MACROD1: variants seen among roughly 807,000 people sequenced by gnomAD.
MACROD1 encodes the protein mono-ADP ribosylhydrolase 1.
Under a neutral mutation model 41.4 loss-of-function variants are expected in MACROD1, and 31 were observed. The ratio of observed to expected loss-of-function variants is 0.75; its 90% CI spans 0.56 to 1.01. The LOEUF (loss-of-function observed/expected upper bound fraction) is 1.01, where lower values mean the gene tolerates loss of function less well. Ranked by LOEUF, MACROD1 falls within the 50% of genes least tolerant of loss-of-function variation. The pLI, the probability that MACROD1 is intolerant of heterozygous loss-of-function variation, is 0.00. For missense variants in MACROD1, 473 were observed against 460.0 expected (o/e 1.03, Z -0.26); for synonymous variants, 252 against 203.4 (o/e 1.24, Z -2.03).
rs901417109 is a variant in MACROD1, at chr11:64,090,759, G to A, written c.517+60480C>T. Among the ~76,000 whole-genome samples, 1 of 152,134 alleles carries A rather than the reference G, an allele frequency of 6.6e-6. No homozygotes were observed. Among genetic ancestry groups the A allele is most frequent in the African/African-American group, 2.4e-5 (1 of 41,438 alleles). ...CACCACATCCCAAGACTAAAAGGGGGGCGGGGTGGCGGCGTCTCTCCACCA... is the reference window on the plus strand; with the variant it reads ...CACCACATCCCAAGACTAAAAGGGGAGCGGGGTGGCGGCGTCTCTCCACCA... On this transcript the variant is annotated intron_variant, in intron 3 of 10. Coordinates refer to ENST00000255681, the MANE Select transcript of MACROD1 (RefSeq NM_014067.4). This position sits in a 1 kb window ranked among gnomAD's most constrained non-coding sequence, Gnocchi z 4.7.
intron 3 of MACROD1, among the ~76,000 whole-genome samples, chr11:64,089,502 C>T (rs893266730): frequency 6.6e-6 from 1 of 152,228 alleles, no homozygotes; most frequent in Non-Finnish European, 1.5e-5. Context: ...CCTGACTCCC[C>T]CAGGGCATTC....
chr11:64,026,888 C>A (rs191520662), intron 3 of MACROD1, among the ~76,000 whole-genome samples: 2 of 152,188 alleles, frequency 1.3e-5, no homozygotes, highest in Admixed American at 1.3e-4. Flanking sequence ...AGGGGCTGCC[C>A]CTGACCACCC....
chr11:64,104,726 G>T (rs1944728788), intron 3 of MACROD1, among the ~76,000 whole-genome samples: 1 of 152,154 alleles, frequency 6.6e-6, no homozygotes, highest in Non-Finnish European at 1.5e-5. Context: ...TTGGCCCTTG[G>T]GCACCATCTG....
At chr11:64,162,718 G>A (rs985216633) in intron 1 of MACROD1, among the ~76,000 whole-genome samples, 2 of 151,940 alleles carry the variant, frequency 1.3e-5, no homozygotes, top group Non-Finnish European at 2.9e-5. Flanking sequence ...GGGAGGCTGA[G>A]GCAGGAGAAT....
At chr11:64,058,611 C>A (rs577590409) in intron 3 of MACROD1, among the ~76,000 whole-genome samples, 1 of 152,244 alleles carries the variant, frequency 6.6e-6, no homozygotes, top group Non-Finnish European at 1.5e-5. Flanking sequence ...GCAGCGGGCA[C>A]GGCCCTGTAA....
chr11:64,114,111 G>C (rs996927510), intron 3 of MACROD1, among the ~76,000 whole-genome samples: 1 of 151,178 alleles, frequency 6.6e-6, no homozygotes, highest in Non-Finnish European at 1.5e-5. Context: ...TGGATGCATG[G>C]ATGGATGCAA....
At chr11:64,086,136 G>A (rs1476910902) in intron 3 of MACROD1, among the ~76,000 whole-genome samples, 1 of 152,180 alleles carries the variant, frequency 6.6e-6, no homozygotes, top group African/African-American at 2.4e-5. Context: ...GTGGGTGGCT[G>A]CGCACACACA....
chr11:64,139,962 A>G (rs10897475), intron 3 of MACROD1, among the ~76,000 whole-genome samples: 1 of 5,036 alleles, frequency 2.0e-4, no homozygotes, highest in Non-Finnish European at 7.4e-4. Context: ...TCTCAAAAAA[A>G]GAAAAAAAAA....
intron 1 of MACROD1, among the ~76,000 whole-genome samples, chr11:64,157,505 A>G (rs1590979288): frequency 6.6e-6 from 1 of 152,182 alleles, no homozygotes; most frequent in East Asian, 1.9e-4. Flanking sequence ...ATGCATTTTC[A>G]TTTTCTTTCA....
intron 1 of MACROD1, among the ~76,000 whole-genome samples, chr11:64,153,897 T>C (rs915928165): frequency 6.6e-6 from 1 of 152,008 alleles, no homozygotes; most frequent in Non-Finnish European, 1.5e-5. Flanking sequence ...CTGTCCTGCC[T>C]GCCCTCAAAT....
intron 1 of MACROD1, among the ~76,000 whole-genome samples, chr11:64,163,848 C>A (rs530717376): frequency 6.6e-6 from 1 of 152,324 alleles, no homozygotes; most frequent in East Asian, 1.9e-4. Flanking sequence ...CCACATCTCA[C>A]CCCCGAAAGC....
chr11:64,031,489 T>G (rs1378904384), intron 3 of MACROD1, among the ~76,000 whole-genome samples: 1 of 148,030 alleles, frequency 6.8e-6, no homozygotes, highest in Admixed American at 6.7e-5. Context: ...TTTTTTTTTT[T>G]TTTTTTGTGA....
At chr11:64,099,453 T>C (rs1430479758) in intron 3 of MACROD1, among the ~76,000 whole-genome samples, 1 of 151,866 alleles carries the variant, frequency 6.6e-6, no homozygotes, top group Non-Finnish European at 1.5e-5. Context: ...GATGGAGAAA[T>C]GGATAGGTGG....
rs1014052405 is a variant in MACROD1 at position 64,064,686 on chromosome 11, G to A, written c.518-49405C>T. On this transcript the variant is annotated intron_variant, in intron 3 of 10. Transcript: ENST00000255681. The surrounding 1 kb of genome is among the most constrained non-coding windows in gnomAD (Gnocchi z 4.5). ...GACATTAAACGGCACCGAGATAGAAGGAGGGGGGCCCTCCCTGAGTTCTCC... is the reference window on the plus strand; with the variant it reads ...GACATTAAACGGCACCGAGATAGAAAGAGGGGGGCCCTCCCTGAGTTCTCC... 1.3e-5 allele frequency among the ~76,000 whole-genome samples: 2 copies of A among 149,236 alleles called. No individual in the cohort carries two copies. Among genetic ancestry groups the A allele is most frequent in the South Asian group, 2.3e-4 (1 of 4,390 alleles).
chr11:64,089,949 A>C (rs895603723), intron 3 of MACROD1, among the ~76,000 whole-genome samples: 1 of 152,162 alleles, frequency 6.6e-6, no homozygotes, highest in South Asian at 2.1e-4. Flanking sequence ...CACGCCCTGT[A>C]AAGTGAGAGG....
chr11:64,081,212 G>A (rs1466252017), intron 3 of MACROD1, among the ~76,000 whole-genome samples: 2 of 152,164 alleles, frequency 1.3e-5, no homozygotes, highest in Non-Finnish European at 2.9e-5. Flanking sequence ...AGTAGAGATG[G>A]GGTTTCACCA....
At chr11:64,124,534 T>C (rs553104028) in intron 3 of MACROD1, among the ~76,000 whole-genome samples, 1 of 152,314 alleles carries the variant, frequency 6.6e-6, no homozygotes, top group Admixed American at 6.5e-5. Context: ...TCCCCTCCCT[T>C]TGCTCTTCCC....
At chr11:64,015,111 G>T in intron 4 of MACROD1, 141 bp downstream of exon 4, 1 of 893,894 alleles carries the variant, frequency 1.1e-6, no homozygotes, top group Non-Finnish European at 1.6e-6. Context: ...CTCCAGCTCT[G>T]GGGAAGGGAG....
At chr11:64,110,405 G>C (rs1055114891) in intron 3 of MACROD1, among the ~76,000 whole-genome samples, 1 of 151,576 alleles carries the variant, frequency 6.6e-6, no homozygotes, top group Non-Finnish European at 1.5e-5. Flanking sequence ...AGCCGTGATC[G>C]GGCCACTGCA....
Sources: allele counts gnomAD v4.1 joint callset (sites outside exome capture counted in the v4.1 genomes callset), GRCh38; gene constraint gnomAD v4.1.1; non-coding constraint Gnocchi (gnomAD v3.1); transcripts MANE v1.5; gene names NCBI Gene and HGNC (gene_info 2026-07-23, HGNC 2026-07-21).